Variants in ZBTB20 observed in about 807,000 individuals in gnomAD.
ZBTB20 encodes zinc finger and BTB domain-containing protein 20.
A neutral mutation model predicts 56.9 loss-of-function variants in ZBTB20; 9 were observed. That is an observed-to-expected ratio of 0.16 (90% CI 0.10 to 0.28). ZBTB20 has a LOEUF of 0.28. Among genes scored for constraint, ZBTB20 ranks in the 10% least tolerant of loss-of-function variants. The pLI is 1.00. For synonymous variants in ZBTB20, 417 were observed against 420.7 expected (o/e 0.99, Z 0.11); for missense variants, 655 against 1,003.0 (o/e 0.65, Z 4.69).
rs1257204087 is a variant in ZBTB20 at position 114,329,233 on chromosome 3, A to G, written c.*9772T>C. 1 of 152,162 alleles carries G rather than the reference A, an allele frequency of 6.6e-6. No individual in the cohort carries two copies. The highest frequency in any genetic ancestry group is 2.4e-5 in the African/African-American group (1 of 41,430). The allele number at this position is 152,162 out of a possible 1,614,324, so 9.4% of individuals were successfully genotyped here. On this transcript the variant is annotated 3_prime_UTR_variant, in exon 12 of 12. Transcript: ENST00000675478. ...CTATTAGGAAAGATGAAAGGAAGGAATTCCCCAGTGTTCACGCTGAGAAGT... is the reference window on the plus strand; with the variant it reads ...CTATTAGGAAAGATGAAAGGAAGGAGTTCCCCAGTGTTCACGCTGAGAAGT...
At chr3:114,577,986 C>T (rs1182143025) in intron 6 of ZBTB20, among the ~76,000 whole-genome samples, 1 of 152,148 alleles carries the variant, frequency 6.6e-6, no homozygotes, top group Admixed American at 6.5e-5. Flanking sequence ...TTGTAACATT[C>T]ACTCCAGATA....
intron 11 of ZBTB20, among the ~76,000 whole-genome samples, chr3:114,345,933 G>A (rs2080149882): frequency 6.6e-6 from 1 of 152,098 alleles, no homozygotes; most frequent in South Asian, 2.1e-4. Flanking sequence ...TTTCTTCCCT[G>A]ACAGGATGGT....
chr3:114,360,264 TA>T (rs1360946873), intron 10 of ZBTB20, among the ~76,000 whole-genome samples: 4 of 151,592 alleles, frequency 2.6e-5, no homozygotes, highest in Non-Finnish European at 1.5e-5. Flanking sequence ...TTCTAACAAA[TA>T]AAAAAAAGTT....
At chr3:114,871,231 T>G (rs2075997774) in intron 4 of ZBTB20, among the ~76,000 whole-genome samples, 1 of 152,108 alleles carries the variant, frequency 6.6e-6, no homozygotes, top group South Asian at 2.1e-4. Flanking sequence ...TTTTGGTTAG[T>G]TACCAATCAC....
intron 6 of ZBTB20, among the ~76,000 whole-genome samples, chr3:114,683,623 G>A (rs1239586445): frequency 6.6e-6 from 1 of 152,084 alleles, no homozygotes; most frequent in East Asian, 1.9e-4. Context: ...TAAAGAAATA[G>A]AGGCTAGAAC....
At chr3:114,910,209 G>C (rs1249531247) in intron 3 of ZBTB20, among the ~76,000 whole-genome samples, 1 of 151,724 alleles carries the variant, frequency 6.6e-6, no homozygotes, top group Non-Finnish European at 1.5e-5. Flanking sequence ...AATATAACTT[G>C]CCTAAGAAGA....
chr3:115,073,356 C>T (rs1329749296), intron 1 of ZBTB20, among the ~76,000 whole-genome samples: 2 of 152,118 alleles, frequency 1.3e-5, no homozygotes, highest in African/African-American at 4.8e-5. Flanking sequence ...TTTCAAATGG[C>T]TACTAATATA....
chr3:114,912,330 A>C (rs1179613416), intron 3 of ZBTB20, among the ~76,000 whole-genome samples: 1 of 151,226 alleles, frequency 6.6e-6, no homozygotes, highest in Admixed American at 6.6e-5. Flanking sequence ...TGAAAGAATA[A>C]AACTTACTGG....
chr3:114,976,020 T>C (rs2078084421), intron 2 of ZBTB20, among the ~76,000 whole-genome samples: 1 of 152,136 alleles, frequency 6.6e-6, no homozygotes, highest in South Asian at 2.1e-4. Context: ...AGATGAGAAA[T>C]TTAGGCTTAA....
At chr3:114,953,423 G>T (rs2077140027) in intron 3 of ZBTB20, among the ~76,000 whole-genome samples, 1 of 151,504 alleles carries the variant, frequency 6.6e-6, no homozygotes, top group African/African-American at 2.4e-5. Flanking sequence ...TAAAGACAGA[G>T]ATTATCAGAA....
intron 6 of ZBTB20, among the ~76,000 whole-genome samples, chr3:114,644,542 C>T (rs956604008): frequency 6.6e-6 from 1 of 152,046 alleles, no homozygotes; most frequent in East Asian, 1.9e-4. Flanking sequence ...AAGTCAAAAC[C>T]ACAATGAAAT....
intron 7 of ZBTB20, among the ~76,000 whole-genome samples, chr3:114,480,578 T>C (rs2041419638): frequency 6.6e-6 from 1 of 152,222 alleles, no homozygotes; most frequent in South Asian, 2.1e-4. Context: ...TGTATTTCCA[T>C]GTGAGAGCAA....
At chr3:114,726,822 T>G (rs558875875) in intron 5 of ZBTB20, among the ~76,000 whole-genome samples, 11 of 138,208 alleles carry the variant, frequency 8.0e-5, no homozygotes, top group African/African-American at 2.2e-4. Flanking sequence ...TGAGGCAGGA[T>G]AATTGCTTGA....
intron 3 of ZBTB20, among the ~76,000 whole-genome samples, chr3:114,926,576 C>CA (rs1371033754): frequency 8.6e-5 from 13 of 151,814 alleles, no homozygotes; most frequent in African/African-American, 2.9e-4. Flanking sequence ...AACAAACAAA[C>CA]AAAAAACTAG....
chr3:114,629,925 G>A (rs2058850041), intron 6 of ZBTB20, among the ~76,000 whole-genome samples: 1 of 152,108 alleles, frequency 6.6e-6, no homozygotes. Flanking sequence ...GGGCCGAGGT[G>A]GGTCTTCAGC....
intron 4 of ZBTB20, among the ~76,000 whole-genome samples, chr3:114,851,623 C>A (rs1393211540): frequency 6.6e-6 from 1 of 151,978 alleles, no homozygotes; most frequent in African/African-American, 2.4e-5. Context: ...AAAACCAACT[C>A]TTTGATTTAT....
Position 114,336,925 on chromosome 3 carries a change from G to A in ZBTB20, c.*2080C>T, listed in dbSNP as rs965753654. 2 of 152,162 alleles carry A rather than the reference G, an allele frequency of 1.3e-5. No homozygotes were observed. Among genetic ancestry groups the A allele is most frequent in the East Asian group, 1.9e-4 (1 of 5,194 alleles). 9.4% of individuals were successfully genotyped at this position (152,162 alleles called of 1,614,324 possible). A position where few individuals can be genotyped will look rare whatever the true frequency, so the allele number is the denominator to read the frequency against. ...GAAATCACTTTGGGAGTTTCAGCTAGGTTTAAGAATTCCTATATTTGAGCT... is the reference window on the plus strand; with the variant it reads ...GAAATCACTTTGGGAGTTTCAGCTAAGTTTAAGAATTCCTATATTTGAGCT... On this transcript the variant is annotated 3_prime_UTR_variant, in exon 12 of 12. Coordinates refer to ENST00000675478, the MANE Select transcript of ZBTB20 (RefSeq NM_001348800.3).
intron 6 of ZBTB20, among the ~76,000 whole-genome samples, chr3:114,617,819 C>G (rs186270231): frequency 6.6e-6 from 1 of 152,216 alleles, no homozygotes; most frequent in Non-Finnish European, 1.5e-5. Context: ...CTTAGATATC[C>G]ACAAAACTTG....
chr3:115,003,619 CAGA>C (rs1455180419), intron 2 of ZBTB20, among the ~76,000 whole-genome samples: 8 of 151,512 alleles, frequency 5.3e-5, no homozygotes, highest in African/African-American at 1.9e-4. Context: ...TGCTTGAGCT[CAGA>C]AGTTTAAGGT....
Sources: allele counts gnomAD v4.1 joint callset (sites outside exome capture counted in the v4.1 genomes callset), GRCh38; gene constraint gnomAD v4.1.1; transcripts MANE v1.5; gene names NCBI Gene and HGNC (gene_info 2026-07-23, HGNC 2026-07-21).